NUP88: variants seen among roughly 807,000 people sequenced by gnomAD.
NUP88 encodes the protein nuclear pore complex protein Nup88.
In NUP88, 57 loss-of-function variants were observed where a neutral mutation model predicts 93.9. The observed-to-expected ratio is 0.61, with a 90% confidence interval of 0.49 to 0.76. The LOEUF (loss-of-function observed/expected upper bound fraction) is 0.76. Ranked by LOEUF, NUP88 falls within the 30% of genes least tolerant of loss-of-function variation. The pLI is 0.00. For missense variants in NUP88, 911 were observed against 901.0 expected (o/e 1.01, Z -0.14); for synonymous variants, 346 against 336.8 (o/e 1.03, Z -0.30).
Position 5,386,056 on chromosome 17 carries a change from A to C in NUP88, c.*150T>G. 1 of 592,122 alleles carries C rather than the reference A, an allele frequency of 1.7e-6. No individual in the cohort carries two copies. Among genetic ancestry groups the C allele is most frequent in the Non-Finnish European group, 3.0e-6 (1 of 337,446 alleles). The allele number at this position is 592,122 out of a possible 1,614,324, so 36.7% of individuals were successfully genotyped here. On this transcript the variant is annotated 3_prime_UTR_variant, in exon 17 of 17. Coordinates refer to ENST00000573584, the MANE Select transcript of NUP88 (RefSeq NM_002532.6). The stretch of plus-strand genomic sequence containing the variant: ...AATTTTAAATAAAAGCATTTACTCA[A>C]TTATTATAAAACAACATATTTAAAA...
At chr17:5,414,722 C>G (rs1914036481) in intron 2 of NUP88, among the ~76,000 whole-genome samples, 1 of 151,956 alleles carries the variant, frequency 6.6e-6, no homozygotes, top group African/African-American at 2.4e-5. Context: ...AGTTTGAGAC[C>G]AGCCTGGCCA....
chr17:5,386,598 C>A, intron 16 of NUP88, 110 bp downstream of exon 16: 1 of 793,256 alleles, frequency 1.3e-6, no homozygotes, highest in Non-Finnish European at 2.2e-6. Flanking sequence ...CCAGTAATTA[C>A]TTGACATGCA....
chr17:5,405,009 C>A (rs768540468), intron 6 of NUP88, 48 bp downstream of exon 6: 1 of 1,517,208 alleles, frequency 6.6e-7, no homozygotes, highest in Non-Finnish European at 9.0e-7. Context: ...GGGTCAGGAA[C>A]TATGCCAGGT....
chr17:5,393,759 T>A (rs1456289718), intron 9 of NUP88, among the ~76,000 whole-genome samples: 2 of 152,224 alleles, frequency 1.3e-5, no homozygotes, highest in African/African-American at 2.4e-5. Flanking sequence ...TTCAAGCTGG[T>A]ACAGTTTGCT....
chr17:5,416,462 CAATTTTCTGTAT>C, intron 2 of NUP88, 39 bp downstream of exon 2: 1 of 1,344,528 alleles, frequency 7.4e-7, no homozygotes. Flanking sequence ...TAGTCTTGAA[CAATTTTCTGTAT>C]ATATAATAAA....
chr17:5,410,716 C>T lies in NUP88; in HGVS notation c.667G>A (p.Val223Ile). Residue 223 changes from valine (V) to isoleucine (I), a missense_variant, in exon 4 of 17, where the codon GTA becomes ATA. Physicochemically the swap from Val to Ile is conservative, Grantham distance 29. Coordinates refer to ENST00000573584, the MANE Select transcript of NUP88 (RefSeq NM_002532.6). ...ATAAAAACTTACCCTTTATTGAGTA[C>T]TAGACTTTCCTCTTCGGCTTCTGAA... is the stretch of plus-strand genomic sequence containing the variant. Reference protein sequence around the residue: ...ILSEAEEESLVLNKGRAYTAS... With the variant: ...ILSEAEEESLILNKGRAYTAS... 1 of 1,604,334 alleles carries T rather than the reference C, an allele frequency of 6.2e-7. No homozygotes were observed.
chr17:5,391,385 G>A, intron 10 of NUP88, 176 bp downstream of exon 10: 1 of 559,576 alleles, frequency 1.8e-6, no homozygotes, highest in Non-Finnish European at 3.2e-6. Context: ...TACCTACAAT[G>A]AAACCTTATA....
chr17:5,388,809 A>G lies in NUP88; in HGVS notation c.1636T>C (p.Phe546Leu), dbSNP rs764737074. Reference protein sequence around the residue: ...ILQRSVANPAFLKASEKDIAP... With the variant: ...ILQRSVANPALLKASEKDIAP... ...ATGCCCAAGGTTGCATACTTCAAAA[A>G]TGCTGGATTGGCAACACTACGTTGC... Residue 546 changes from phenylalanine (F) to leucine (L), a missense_variant, in exon 11 of 17, where the codon TTT (phenylalanine) becomes CTT (leucine). Coordinates refer to ENST00000573584, the MANE Select transcript of NUP88 (RefSeq NM_002532.6). 1.2e-6 allele frequency: 2 copies of G among 1,613,498 alleles called. No individual in the cohort carries two copies. The highest frequency in any genetic ancestry group is 1.7e-6 in the Non-Finnish European group (2 of 1,179,752).
At chr17:5,416,703 G>A (rs1202177298) in intron 1 of NUP88, 21 bp from the exon 2 acceptor site, 1 of 1,582,054 alleles carries the variant, frequency 6.3e-7, no homozygotes, top group Non-Finnish European at 8.6e-7. Flanking sequence ...GAGCAAACCA[G>A]TCAACATAGT....
intron 3 of NUP88, among the ~76,000 whole-genome samples, chr17:5,413,613 G>A (rs1391327309): frequency 6.6e-6 from 1 of 152,156 alleles, no homozygotes; most frequent in East Asian, 1.9e-4. Context: ...ATTGGAAACT[G>A]AGCCCCCCAA....
intron 7 of NUP88, among the ~76,000 whole-genome samples, chr17:5,401,987 TTA>T (rs1913197564): frequency 1.3e-5 from 2 of 152,198 alleles, no homozygotes; most frequent in Non-Finnish European, 2.9e-5. Context: ...CAAAAATTTC[TTA>T]GTTTCACATA....
chr17:5,392,183 G>A (rs1912484128), intron 9 of NUP88, among the ~76,000 whole-genome samples: 1 of 152,140 alleles, frequency 6.6e-6, no homozygotes, highest in Non-Finnish European at 1.5e-5. Flanking sequence ...CTCTCCTAGC[G>A]GCTCCCATGC....
At chr17:5,419,214 C>G in intron 1 of NUP88, 140 bp downstream of exon 1, 1 of 991,976 alleles carries the variant, frequency 1.0e-6, no homozygotes, top group Non-Finnish European at 1.4e-6. Context: ...GCCTGAGTCC[C>G]CGCGACCGCG....
rs745892094 is a variant in NUP88 at position 5,388,968 on chromosome 17, A to T, written c.1485-8T>A. On this transcript the variant is annotated splice_polypyrimidine_tract_variant and splice_region_variant and intron_variant, in intron 10 of 16. Coordinates refer to ENST00000573584, the MANE Select transcript of NUP88 (RefSeq NM_002532.6). ...GCTGGATGGACTGTACTTCTGCAAAATAAGTAAGTAAATTGAATTCTACCA... is the reference window on the plus strand; with the variant it reads ...GCTGGATGGACTGTACTTCTGCAAATTAAGTAAGTAAATTGAATTCTACCA... The T allele has an allele frequency of 6.3e-7, 1 of 1,591,622 alleles. No individual in the cohort carries two copies. Among genetic ancestry groups the T allele is most frequent in the South Asian group, 1.1e-5 (1 of 88,204 alleles).
intron 5 of NUP88, among the ~76,000 whole-genome samples, chr17:5,406,855 T>C (rs1913526431): frequency 6.6e-6 from 1 of 152,174 alleles, no homozygotes; most frequent in South Asian, 2.1e-4. Context: ...TTCAAGGCTG[T>C]CCTGGGCTGC....
Position 5,387,587 on chromosome 17 carries a change from CTTATTT to C in NUP88, c.1835+12_1835+17del. On this transcript the variant is annotated intron_variant, in intron 13 of 16. Transcript: ENST00000573584. ...AGTCTTACTGACCTATTGTATTCTT[CTTATTT>C]TTGACACTTACCTCTCTTCTCGACA... 6 of 1,609,124 alleles carry C rather than the reference CTTATTT, an allele frequency of 3.7e-6. No homozygotes were observed. Among genetic ancestry groups the C allele is most frequent in the Non-Finnish European group, 5.1e-6 (6 of 1,176,034 alleles).
At chr17:5,396,601 A>G (rs1912791869) in intron 8 of NUP88, among the ~76,000 whole-genome samples, 1 of 152,204 alleles carries the variant, frequency 6.6e-6, no homozygotes, top group Non-Finnish European at 1.5e-5. Flanking sequence ...ACACTCATGT[A>G]CCAGTATTTG....
In NUP88 at chr17:5,416,695, G is replaced by A; in HGVS notation, c.298-13C>T. 1 of 1,596,970 alleles carries A rather than the reference G, an allele frequency of 6.3e-7. No homozygotes were observed. Among genetic ancestry groups the A allele is most frequent in the South Asian group, 1.2e-5 (1 of 86,156 alleles). The stretch of plus-strand genomic sequence containing the variant: ...TGCAAAGCAATCTCTGAAAATTAGA[G>A]CAAACCAGTCAACATAGTTAATTTT... On this transcript the variant is annotated splice_polypyrimidine_tract_variant and intron_variant, in intron 1 of 16. Coordinates refer to ENST00000573584, the MANE Select transcript of NUP88 (RefSeq NM_002532.6).
intron 3 of NUP88, among the ~76,000 whole-genome samples, chr17:5,412,625 G>C (rs996456894): frequency 6.6e-6 from 1 of 151,952 alleles, no homozygotes; most frequent in Non-Finnish European, 1.5e-5. Flanking sequence ...GGGGGAGCTG[G>C]AAGTTCAACA....
Sources: allele counts gnomAD v4.1 joint callset (sites outside exome capture counted in the v4.1 genomes callset), GRCh38; gene constraint gnomAD v4.1.1; transcripts MANE v1.5; gene names NCBI Gene and HGNC (gene_info 2026-07-23, HGNC 2026-07-21).